CCNJL: variants seen among roughly 807,000 people sequenced by gnomAD.
The protein encoded by CCNJL is cyclin J like.
A neutral mutation model predicts 33.4 loss-of-function variants in CCNJL; 33 were observed. The ratio of observed to expected loss-of-function variants is 0.99; its 90% CI spans 0.75 to 1.32. The LOEUF (loss-of-function observed/expected upper bound fraction) is 1.32, where lower values mean the gene tolerates loss of function less well. Ranked by LOEUF, CCNJL falls within the 40% of genes most tolerant of loss-of-function variation. The pLI is 0.00. For missense variants in CCNJL, 512 were observed against 499.7 expected, an observed-to-expected ratio of 1.02 and a Z score of -0.23; for synonymous variants, 227 against 220.9, an observed-to-expected ratio of 1.03 and a Z score of -0.24.
At chr5:160,258,676 T>C (rs1761182262) in intron 4 of CCNJL, 1 of 826,634 alleles carries the variant, frequency 1.2e-6, no homozygotes, top group East Asian at 2.4e-5. Flanking sequence ...GCAGCTGTTT[T>C]ACTTTAAATA....
chr5:160,324,668 T>C (rs1315508887), intron 1 of CCNJL, among the ~76,000 whole-genome samples: 1 of 150,162 alleles, frequency 6.7e-6, no homozygotes, highest in Non-Finnish European at 1.5e-5. Flanking sequence ...TTAGAATCAG[T>C]GTTTCCTCAA....
chr5:160,331,297 C>T (rs1487995134), intron 1 of CCNJL, among the ~76,000 whole-genome samples: 3 of 149,210 alleles, frequency 2.0e-5, no homozygotes, highest in African/African-American at 7.4e-5. Context: ...GATCTTGGCT[C>T]ACTGCAAGCT....
chr5:160,292,865 TTTCTCAATACATA>T (rs1249792556), intron 2 of CCNJL, among the ~76,000 whole-genome samples: 1 of 152,162 alleles, frequency 6.6e-6, no homozygotes, highest in Non-Finnish European at 1.5e-5. Context: ...AAAGGCAATG[TTTCTCAATACATA>T]TTCTGTGTCA....
intron 1 of CCNJL, among the ~76,000 whole-genome samples, chr5:160,337,591 A>G (rs539296823): frequency 6.6e-5 from 10 of 152,174 alleles, no homozygotes; most frequent in Admixed American, 6.5e-4. Flanking sequence ...TGAGCCAACC[A>G]TGTTGACTCC....
chr5:160,339,362 A>T (rs1477360279), intron 1 of CCNJL: 1 of 322,890 alleles, frequency 3.1e-6, no homozygotes, highest in East Asian at 8.0e-5. Context: ...TGCAAAACAA[A>T]AAAAAAAAAC....
intron 2 of CCNJL, among the ~76,000 whole-genome samples, chr5:160,291,195 C>T (rs1208360203): frequency 1.3e-5 from 2 of 152,076 alleles, no homozygotes; most frequent in Non-Finnish European, 2.9e-5. Context: ...CAGTGGGTTT[C>T]CACGGAAGAA....
In CCNJL at chr5:160,311,845, G is replaced by A. The variant is rs753997739; in HGVS notation, c.66+13C>T. The A allele has an allele frequency of 6.2e-6, 10 of 1,612,510 alleles. No homozygotes were observed. In the Admixed American group the frequency reaches 1.0e-4, roughly 16 times the overall value. ...CCCAGTCTTGAGAGTGACAAGGGCA[G>A]GGAGGGACTGACCTTCTCGCGCAGG... On this transcript the variant is annotated intron_variant, in intron 2 of 5. Coordinates refer to ENST00000257536, the MANE Select transcript of CCNJL (RefSeq NM_001308173.3).
In CCNJL at chr5:160,250,621, C is replaced by G. The variant is rs1014598823; in HGVS notation, c.*2757G>C. The G allele has an allele frequency of 6.6e-6, 1 of 152,186 alleles. No individual in the cohort carries two copies. The highest frequency in any genetic ancestry group is 1.5e-5 in the Non-Finnish European group (1 of 68,032). The allele number at this position is 152,186 out of a possible 1,614,324, so 9.4% of individuals were successfully genotyped here. On this transcript the variant is annotated 3_prime_UTR_variant, in exon 6 of 6. Coordinates refer to ENST00000257536, the MANE Select transcript of CCNJL (RefSeq NM_001308173.3). ...GTGAGACTCCCTTCAAGGAGGAGTA[C>G]GAATCTGACATTTTTCATAACAGCT...
At chr5:160,296,826 T>A (rs1762762855) in intron 2 of CCNJL, among the ~76,000 whole-genome samples, 1 of 152,148 alleles carries the variant, frequency 6.6e-6, no homozygotes, top group South Asian at 2.1e-4. Context: ...CAAACCCAAA[T>A]CAAACAGCAC....
intron 3 of CCNJL, 49 bp downstream of exon 3, chr5:160,280,476 G>T: frequency 6.9e-7 from 1 of 1,451,988 alleles, no homozygotes; most frequent in Non-Finnish European, 9.6e-7. Flanking sequence ...GGCGCACTGA[G>T]CGGGAGGAGA....
At chr5:160,310,607 C>A (rs1374028019) in intron 2 of CCNJL, among the ~76,000 whole-genome samples, 1 of 152,118 alleles carries the variant, frequency 6.6e-6, no homozygotes, top group East Asian at 1.9e-4. Context: ...CAGTAGTGTC[C>A]CCCCAAATGT....
chr5:160,294,236 T>A (rs921399511), intron 2 of CCNJL, among the ~76,000 whole-genome samples: 1 of 152,150 alleles, frequency 6.6e-6, no homozygotes, highest in African/African-American at 2.4e-5. Context: ...GATTGCTTCA[T>A]AAGGCCCAAG....
chr5:160,303,718 GT>G (rs1561804138), intron 2 of CCNJL, among the ~76,000 whole-genome samples: 1 of 122,618 alleles, frequency 8.2e-6, no homozygotes, highest in Admixed American at 8.8e-5. Flanking sequence ...GTGTGTGTGT[GT>G]GTGTGTGTCT....
chr5:160,283,251 C>T (rs1762300577), intron 2 of CCNJL, among the ~76,000 whole-genome samples: 3 of 151,722 alleles, frequency 2.0e-5, no homozygotes, highest in Non-Finnish European at 4.4e-5. Context: ...CGTAAATGGC[C>T]ACATATTATA....
chr5:160,277,429 G>C (rs1580975310), intron 3 of CCNJL, among the ~76,000 whole-genome samples: 1 of 152,204 alleles, frequency 6.6e-6, no homozygotes, highest in African/African-American at 2.4e-5. Context: ...AGAACAAAAA[G>C]ACATTGCAGG....
Position 160,258,314 on chromosome 5 carries a change from A to T in CCNJL, c.583+1155T>A, listed in dbSNP as rs114881189. The T allele has an allele frequency of 4.3e-3, 3,233 of 756,360 alleles. 70 individuals are homozygous for T. The African/African-American group carries it at 0.049, about 11-fold the overall frequency. The allele number at this position is 756,360 out of a possible 1,614,324, so 46.9% of individuals were successfully genotyped here. A position where few individuals can be genotyped will look rare whatever the true frequency, so the allele number is the denominator to read the frequency against. ...TGGCTGGATGGTATTCGAAAATGGT[A>T]TTACAACGCCACAGGATTCAATAAA... On this transcript the variant is annotated intron_variant, in intron 4 of 5. Coordinates refer to ENST00000257536, the MANE Select transcript of CCNJL (RefSeq NM_001308173.3).
intron 2 of CCNJL, among the ~76,000 whole-genome samples, chr5:160,302,819 AAAAAAAAAT>A (rs1283617706): frequency 6.8e-6 from 1 of 147,338 alleles, no homozygotes; most frequent in Non-Finnish European, 1.5e-5. Flanking sequence ...CTCAATAAAA[AAAAAAAAAT>A]AATAATAATA....
chr5:160,334,225 A>G (rs1763655239), intron 1 of CCNJL, among the ~76,000 whole-genome samples: 1 of 152,138 alleles, frequency 6.6e-6, no homozygotes, highest in Admixed American at 6.5e-5. Context: ...TGCCCGTGCT[A>G]CACACAGTGC....
intron 2 of CCNJL, among the ~76,000 whole-genome samples, chr5:160,305,001 A>C (rs1266355276): frequency 1.3e-5 from 2 of 151,830 alleles, no homozygotes; most frequent in Non-Finnish European, 2.9e-5. Context: ...TTTTTAGTAG[A>C]GACGGGGCTT....
Sources: allele counts gnomAD v4.1 joint callset (sites outside exome capture counted in the v4.1 genomes callset), GRCh38; gene constraint gnomAD v4.1.1; transcripts MANE v1.5; gene names NCBI Gene and HGNC (gene_info 2026-07-23, HGNC 2026-07-21).